Variants in NPIPB2 observed in about 807,000 individuals in gnomAD.
NPIPB2 encodes nuclear pore complex-interacting protein family member B2.
NPIPB2 carries 27 observed loss-of-function variants against 30.8 expected under a neutral mutation model. That is an observed-to-expected ratio of 0.88 (90% CI 0.65 to 1.21). The LOEUF (loss-of-function observed/expected upper bound fraction) is 1.21, where lower values mean the gene tolerates loss of function less well. Among genes scored for constraint, NPIPB2 ranks in the 50% most tolerant of loss-of-function variants. NPIPB2 has a pLI of 0.00. For missense variants in NPIPB2, 440 were observed against 446.2 expected (o/e 0.99, Z 0.13); for synonymous variants, 147 against 162.0 (o/e 0.91, Z 0.70).
chr16:11,974,293 G>A (rs1285306190), intron 1 of NPIPB2, among the ~76,000 whole-genome samples: 1 of 152,126 alleles, frequency 6.6e-6, no homozygotes, highest in East Asian at 1.9e-4. Flanking sequence ...CGAGGAGGGT[G>A]GATCACCTGA....
At chr16:11,951,625 TACACACACACACAC>T (rs1214348316) in intron 1 of NPIPB2, among the ~76,000 whole-genome samples, 35 of 95,900 alleles carry the variant, frequency 3.6e-4, no homozygotes, top group Non-Finnish European at 6.4e-4. Flanking sequence ...CACATACACA[TACACACACACACAC>T]ACACACACAC....
exon 8 of NPIPB2, chr16:11,927,442 T>C (rs750669117): frequency 1.9e-6 from 2 of 1,047,302 alleles, no homozygotes; most frequent in Non-Finnish European, 2.6e-6. Flanking sequence ...GTGATGATGG[T>C]TCCACCTCAG....
intron 1 of NPIPB2, among the ~76,000 whole-genome samples, chr16:11,957,727 C>T (rs547065697): frequency 6.6e-6 from 1 of 152,156 alleles, no homozygotes; most frequent in African/African-American, 2.4e-5. Flanking sequence ...AAGACTGAAA[C>T]ACAGACACCC....
intron 1 of NPIPB2, among the ~76,000 whole-genome samples, chr16:11,959,927 T>G (rs2055141556): frequency 6.6e-6 from 1 of 152,066 alleles, no homozygotes; most frequent in Admixed American, 6.6e-5. Flanking sequence ...AAGCACGCAC[T>G]ACCACACCTG....
chr16:11,943,694 CTCCG>C (rs1235902711), upstream of NPIPB2, among the ~76,000 whole-genome samples: 2 of 137,714 alleles, frequency 1.5e-5, no homozygotes, highest in African/African-American at 5.5e-5. Context: ...AAGAGCAAAA[CTCCG>C]TCTTAAAATA....
chr16:11,975,772 G>A (rs2055284845), intron 1 of NPIPB2, among the ~76,000 whole-genome samples: 1 of 151,994 alleles, frequency 6.6e-6, no homozygotes, highest in Non-Finnish European at 1.5e-5. Flanking sequence ...TGTATTTTTA[G>A]TAGAGATGGG....
intron 1 of NPIPB2, chr16:11,967,655 C>T: frequency 6.2e-7 from 1 of 1,614,182 alleles, no homozygotes; most frequent in Non-Finnish European, 8.5e-7. Flanking sequence ...GCCTCGAGTA[C>T]ACGGTGGAAG....
At chr16:11,937,546 G>A (rs763065585) in exon 2 of NPIPB2, 1 of 1,592,630 alleles carries the variant, frequency 6.3e-7, no homozygotes, top group African/African-American at 1.3e-5. Flanking sequence ...TCACCCAAAG[G>A]TAAACTGTCC....
At chr16:11,968,087 C>G in intron 1 of NPIPB2, 1 of 449,018 alleles carries the variant, frequency 2.2e-6, no homozygotes, top group Non-Finnish European at 3.9e-6. Flanking sequence ...TTTTTATTAA[C>G]GTGAGTTTTT....
intron 1 of NPIPB2, chr16:11,976,541 C>T (rs532131399): frequency 8.7e-5 from 31 of 354,410 alleles, no homozygotes; most frequent in East Asian, 6.3e-4. Context: ...GGGACAGCGA[C>T]GCCTCCTCGC....
At chr16:11,934,884 A>G (rs1026379136) in intron 2 of NPIPB2, among the ~76,000 whole-genome samples, 20 of 149,166 alleles carry the variant, frequency 1.3e-4, no homozygotes, top group African/African-American at 9.8e-5. Context: ...AATGACCTGA[A>G]TATACTTCAC....
chr16:11,947,793 G>C lies in NPIPB2; in HGVS notation c.-583-5679C>G, dbSNP rs542181849. 2.6e-4 allele frequency among the ~76,000 whole-genome samples: 40 copies of C among 151,736 alleles called. No individual in the cohort carries two copies. The South Asian group carries it at 8.2e-3, about 31-fold the overall frequency. On this transcript the variant is annotated intron_variant, in intron 1 of 5. Transcript: ENST00000538896. Reference sequence around the variant, plus strand: ...TTGTGATTTATTGGCCCAAGGTGTGGCATGGGGACTGGCTTGCACTGACCG... The same window carrying C: ...TTGTGATTTATTGGCCCAAGGTGTGCCATGGGGACTGGCTTGCACTGACCG...
chr16:11,964,203 T>C (rs1362664441), intron 1 of NPIPB2, among the ~76,000 whole-genome samples: 2 of 151,706 alleles, frequency 1.3e-5, no homozygotes, highest in African/African-American at 4.9e-5. Context: ...GACTTCTGGA[T>C]GCTTGGACTG....
At chr16:11,964,134 G>C (rs1011475589) in intron 1 of NPIPB2, 19 of 152,002 alleles carry the variant, frequency 1.2e-4, no homozygotes, top group African/African-American at 3.4e-4. Context: ...TGAAACAAAA[G>C]ACATCGCATC....
chr16:11,955,720 C>CA (rs1406203084), intron 1 of NPIPB2, among the ~76,000 whole-genome samples: 876 of 68,186 alleles, frequency 0.013, 13 homozygotes, highest in African/African-American at 0.04. Flanking sequence ...GACACTGTCT[C>CA]AAAAAAAAAA....
chr16:11,950,234 T>C (rs1259877643), intron 1 of NPIPB2, among the ~76,000 whole-genome samples: 1 of 152,078 alleles, frequency 6.6e-6, no homozygotes, highest in East Asian at 1.9e-4. Context: ...TGGGGTTTCG[T>C]CCTGTTGGCT....
Position 11,955,239 on chromosome 16 carries a change from A to T in NPIPB2, c.-583-13125T>A, listed in dbSNP as rs1260986494. Among the ~76,000 whole-genome samples, 3 of 151,130 alleles carry T rather than the reference A, an allele frequency of 2.0e-5. No individual in the cohort carries two copies. In the South Asian group the frequency reaches 6.3e-4, roughly 32 times the overall value. The stretch of plus-strand genomic sequence containing the variant: ...CGTCGTGGCACATGCCTATAATCCC[A>T]GCTACTCTGGAGGGTGAGGCATGAG... On this transcript the variant is annotated intron_variant, in intron 1 of 5. Transcript: ENST00000538896.
chr16:11,967,616 G>A (rs1484462045), intron 1 of NPIPB2: 4 of 1,614,200 alleles, frequency 2.5e-6, no homozygotes, highest in East Asian at 2.2e-5. Flanking sequence ...AAAAGAGCAG[G>A]ACTGGTGATG....
intron 1 of NPIPB2, among the ~76,000 whole-genome samples, chr16:11,960,733 A>G (rs142492109): frequency 5.3e-5 from 8 of 152,142 alleles, no homozygotes; most frequent in Middle Eastern, 3.4e-3. Context: ...TGCATCAGGG[A>G]CACACTCAAA....
Sources: allele counts gnomAD v4.1 joint callset (sites outside exome capture counted in the v4.1 genomes callset), GRCh38; gene constraint gnomAD v4.1.1; transcripts MANE v1.5; gene names NCBI Gene and HGNC (gene_info 2026-07-23, HGNC 2026-07-21).